The following CNTNAP5 variants were observed in gnomAD, a reference collection of about 807,000 sequenced individuals.
CNTNAP5 encodes contactin associated protein family member 5, also known as contactin-associated protein-like 5.
A neutral mutation model predicts 150.2 loss-of-function variants in CNTNAP5; 72 were observed. The observed-to-expected ratio is 0.48, with a 90% CI of 0.40 to 0.58. The LOEUF (loss-of-function observed/expected upper bound fraction) is 0.58. Among genes scored for constraint, CNTNAP5 ranks in the 20% least tolerant of loss-of-function variants. The pLI is 0.00. For missense variants in CNTNAP5, 1,636 were observed against 1,626.2 expected (o/e 1.01, Z -0.10); for synonymous variants, 672 against 619.8 (o/e 1.08, Z -1.25).
At chr2:124,785,561 A>C (rs1359899371) in intron 17 of CNTNAP5, among the ~76,000 whole-genome samples, 1 of 152,230 alleles carries the variant, frequency 6.6e-6, no homozygotes, top group African/African-American at 2.4e-5. Context: ...GATGGATAAC[A>C]TACTAGTAAA....
chr2:124,362,508 T>A (rs1196723748), intron 3 of CNTNAP5, among the ~76,000 whole-genome samples: 1 of 152,228 alleles, frequency 6.6e-6, no homozygotes, highest in Non-Finnish European at 1.5e-5. Context: ...AAACCTAGAC[T>A]CCTACCTTTA....
chr2:124,399,821 G>C (rs1046199880), intron 3 of CNTNAP5, among the ~76,000 whole-genome samples: 5 of 152,130 alleles, frequency 3.3e-5, no homozygotes, highest in Non-Finnish European at 7.3e-5. Flanking sequence ...GTAACATAGG[G>C]CTTGGTGAAC....
intron 13 of CNTNAP5, among the ~76,000 whole-genome samples, chr2:124,679,981 T>G (rs965697095): frequency 6.6e-6 from 1 of 151,842 alleles, no homozygotes; most frequent in Non-Finnish European, 1.5e-5. Context: ...CCCACAACTC[T>G]GCAGCAGTCT....
intron 3 of CNTNAP5, among the ~76,000 whole-genome samples, chr2:124,360,308 A>T (rs1289961929): frequency 6.6e-6 from 1 of 150,396 alleles, no homozygotes; most frequent in African/African-American, 2.4e-5. Flanking sequence ...GTCCATTTAC[A>T]TTTAAAGTTA....
chr2:124,453,920 A>C (rs1025221888), intron 6 of CNTNAP5, among the ~76,000 whole-genome samples: 17 of 152,310 alleles, frequency 1.1e-4, no homozygotes, highest in African/African-American at 4.1e-4. Context: ...ACACATAAAA[A>C]AAAAGAGCCT....
chr2:124,444,159 A>G (rs1692746519), intron 5 of CNTNAP5, among the ~76,000 whole-genome samples: 1 of 152,082 alleles, frequency 6.6e-6, no homozygotes. Context: ...CCAACGCCTC[A>G]TAATTACTTG....
At chr2:124,031,142 C>A (rs1265335062) in intron 1 of CNTNAP5, among the ~76,000 whole-genome samples, 5 of 150,130 alleles carry the variant, frequency 3.3e-5, no homozygotes, top group African/African-American at 1.2e-4. Context: ...GCTATACATA[C>A]ACACACACAC....
intron 4 of CNTNAP5, among the ~76,000 whole-genome samples, chr2:124,419,152 A>AACAAAAAAAAAC (rs1692013206): frequency 8.3e-6 from 1 of 120,996 alleles, no homozygotes; most frequent in African/African-American, 2.8e-5. Flanking sequence ...AAAAAAAAAA[A>AACAAAAAAAAAC]AAAAAAAAAA....
At chr2:124,065,734 C>T (rs1214968638) in intron 1 of CNTNAP5, among the ~76,000 whole-genome samples, 1 of 152,172 alleles carries the variant, frequency 6.6e-6, no homozygotes, top group Non-Finnish European at 1.5e-5. Context: ...AATTCAAGTG[C>T]TGAGCAATGT....
rs943101865 is a variant in CNTNAP5, at chr2:124,918,469, C to A, written c.*4181C>A. On this transcript the variant is annotated 3_prime_UTR_variant, in exon 24 of 24. Coordinates refer to ENST00000682447, the MANE Select transcript of CNTNAP5 (RefSeq NM_001367498.1). ...CTTGAAGGTCATACTTGCTCCCTCT[C>A]TGCAGGAAGTTAATTCAGTTAGAAG... is the stretch of plus-strand genomic sequence containing the variant. 2.0e-5 allele frequency among the ~76,000 whole-genome samples: 3 copies of A among 152,106 alleles called. No individual in the cohort carries two copies. Among genetic ancestry groups the A allele is most frequent in the South Asian group, 4.1e-4 (2 of 4,832 alleles).
At position 124,914,161 on chromosome 2, in the gene CNTNAP5, A is replaced by T; in HGVS notation, c.3797A>T (p.His1266Leu). Residue 1266 changes from histidine (H) to leucine (L), a missense_variant, in exon 24 of 24, where the codon CAC becomes CTC. Physicochemically the swap from His to Leu is moderately conservative, Grantham distance 99. Transcript: ENST00000682447. ...IGIMTRFLYQ[H>L]KQSHRTSQMK... ...ATCATGACCCGGTTCCTCTACCAGCACAAGCAGTCACATCGTACGAGCCAG... is the reference window on the plus strand; with the variant it reads ...ATCATGACCCGGTTCCTCTACCAGCTCAAGCAGTCACATCGTACGAGCCAG... 1.9e-6 allele frequency: 3 copies of T among 1,612,570 alleles called. No individual in the cohort carries two copies. Among genetic ancestry groups the T allele is most frequent in the Non-Finnish European group, 2.5e-6 (3 of 1,179,012 alleles).
At chr2:124,451,801 G>A (rs1009753778) in intron 6 of CNTNAP5, among the ~76,000 whole-genome samples, 10 of 152,090 alleles carry the variant, frequency 6.6e-5, no homozygotes, top group African/African-American at 2.2e-4. Context: ...GGAACCCGAA[G>A]GTCTAGATTA....
At chr2:124,537,472 C>T (rs919925330) in intron 10 of CNTNAP5, among the ~76,000 whole-genome samples, 11 of 152,166 alleles carry the variant, frequency 7.2e-5, no homozygotes, top group Admixed American at 3.3e-4. Flanking sequence ...AGACGCAGAA[C>T]GAGCTCAGGG....
chr2:124,582,188 C>T (rs192436562), intron 11 of CNTNAP5, among the ~76,000 whole-genome samples: 148 of 152,128 alleles, frequency 9.7e-4, no homozygotes, highest in Non-Finnish European at 1.6e-3. Context: ...CGGAAGGCCT[C>T]GGTGGCTGTG....
Position 124,360,116 on chromosome 2 carries a change from T to A in CNTNAP5, c.382-57327T>A, listed in dbSNP as rs1373440665. Among the ~76,000 whole-genome samples, 196 of 144,444 alleles carry A rather than the reference T, an allele frequency of 1.4e-3. 1 individual carries two copies. Among genetic ancestry groups the A allele is most frequent in the African/African-American group, 4.4e-3 (173 of 39,266 alleles). The allele number at this position is 144,444 out of a possible 152,430, so 94.8% of individuals were successfully genotyped here. On this transcript the variant is annotated intron_variant, in intron 3 of 23. Transcript: ENST00000682447. ...GTTTAAAGTCTGTTTTATCAGAGACTAGGATTGCAACCCCTGCCTTTTTTT... is the reference window on the plus strand; with the variant it reads ...GTTTAAAGTCTGTTTTATCAGAGACAAGGATTGCAACCCCTGCCTTTTTTT...
At chr2:124,431,672 A>G (rs1008172981) in intron 4 of CNTNAP5, among the ~76,000 whole-genome samples, 4 of 146,774 alleles carry the variant, frequency 2.7e-5, no homozygotes, top group Non-Finnish European at 4.5e-5. Flanking sequence ...ATTTCTTTAT[A>G]TAAATATAAA....
intron 10 of CNTNAP5, 98 bp from the exon 11 acceptor site, chr2:124,563,119 C>T (rs1356998684): frequency 2.8e-6 from 2 of 710,478 alleles, no homozygotes; most frequent in African/African-American, 1.8e-5. Context: ...TCAATATCTA[C>T]TATTAATTGA....
At chr2:124,384,439 G>C (rs983474797) in intron 3 of CNTNAP5, among the ~76,000 whole-genome samples, 10 of 152,166 alleles carry the variant, frequency 6.6e-5, no homozygotes, top group African/African-American at 2.4e-4. Flanking sequence ...ATGTAGGATA[G>C]AGCATAGAGA....
intron 12 of CNTNAP5, among the ~76,000 whole-genome samples, chr2:124,619,414 A>C (rs770683954): frequency 1.4e-4 from 22 of 152,206 alleles, no homozygotes; most frequent in Non-Finnish European, 2.9e-4. Context: ...AGGTGGCTGT[A>C]TAGGAAGCTT....
Sources: gnomAD v4.1 joint callset for allele counts (sites outside exome capture counted in the v4.1 genomes callset) on GRCh38, gnomAD v4.1.1 for gene constraint, MANE v1.5 for transcripts, NCBI Gene and HGNC (gene_info 2026-07-23, HGNC 2026-07-21) for gene names.